STX10: variants seen among roughly 807,000 people sequenced by gnomAD.
STX10 encodes syntaxin 10.
A neutral mutation model predicts 34.1 loss-of-function variants in STX10; 35 were observed. The ratio of observed to expected loss-of-function variants is 1.03; its 90% confidence interval spans 0.78 to 1.36. The LOEUF is 1.36. Ranked by LOEUF, STX10 falls within the 40% of genes most tolerant of loss-of-function variation. The pLI is 0.00. For synonymous variants in STX10, 155 were observed against 132.9 expected, an observed-to-expected ratio of 1.17 and a Z score of -1.15; for missense variants, 361 against 335.5, an observed-to-expected ratio of 1.08 and a Z score of -0.59.
chr19:13,144,145 A>G lies in STX10; in HGVS notation c.*265T>C. The G allele has an allele frequency of 1.9e-6, 1 of 524,626 alleles. No homozygotes were observed. Among genetic ancestry groups the G allele is most frequent in the East Asian group, 3.0e-5 (1 of 33,450 alleles). 32.5% of individuals were successfully genotyped at this position (524,626 alleles called of 1,614,324 possible). On this transcript the variant is annotated 3_prime_UTR_variant, in exon 8 of 8. Transcript: ENST00000587230. ...ATGGCTTTGGGGTCCTGGAACTGGAAATGGAGACAGGTGTGTCTCAGGTGT... is the reference window on the plus strand; with the variant it reads ...ATGGCTTTGGGGTCCTGGAACTGGAGATGGAGACAGGTGTGTCTCAGGTGT...
intron 3 of STX10, 89 bp downstream of exon 3, chr19:13,149,410 T>TTAA: frequency 3.3e-6 from 2 of 598,916 alleles, no homozygotes; most frequent in Non-Finnish European, 4.6e-6. Context: ...AGGCTCTGTC[T>TTAA]CAAAAAAAAA....
rs748713422 is a variant in STX10, at chr19:13,150,113, C to T, written c.35+26G>A. ...GCTGGCTTGGGTACAGAGCACCCTCCGCCCTCCCCCGTCGTTGTCACTCAC... is the reference window on the plus strand; with the variant it reads ...GCTGGCTTGGGTACAGAGCACCCTCTGCCCTCCCCCGTCGTTGTCACTCAC... On this transcript the variant is annotated intron_variant, in intron 1 of 7. Coordinates refer to ENST00000587230, the MANE Select transcript of STX10 (RefSeq NM_003765.3). This position sits in a 1 kb window ranked among gnomAD's most constrained non-coding sequence, Gnocchi z 4.0. 2 of 1,126,904 alleles carry T rather than the reference C, an allele frequency of 1.8e-6. No individual in the cohort carries two copies. Among genetic ancestry groups the T allele is most frequent in the Non-Finnish European group, 2.7e-6 (2 of 752,722 alleles). The allele number at this position is 1,126,904 out of a possible 1,614,324, so 69.8% of individuals were successfully genotyped here. A position where few individuals can be genotyped will look rare whatever the true frequency, so the allele number is the denominator to read the frequency against.
Position 13,144,831 on chromosome 19 carries a change from A to C in STX10, c.511T>G (p.Ser171Ala). 6.2e-7 allele frequency: 1 copy of C among 1,613,994 alleles called. No individual in the cohort carries two copies. The highest frequency in any genetic ancestry group is 1.1e-5 in the South Asian group (1 of 91,068). ...DEQDQQLEMVSGSIQVLKHMS... is the reference protein window; with the variant it reads ...DEQDQQLEMVAGSIQVLKHMS... Reference sequence around the variant, plus strand: ...TGCTTCAGAACCTGGATGCTCCCAGACACCATCTCCAGCTGTTGATCCTGT... The same window carrying C: ...TGCTTCAGAACCTGGATGCTCCCAGCCACCATCTCCAGCTGTTGATCCTGT... The change falls in exon 6 of 8, where the codon TCT (serine) becomes GCT (alanine). Residue 171 changes from serine (S) to alanine (A), a missense_variant. Ser to Ala is a moderately conservative substitution (Grantham distance 99). Transcript: ENST00000587230.
Position 13,150,179 on chromosome 19 carries a change from T to A in STX10, c.-6A>T, listed in dbSNP as rs924209745. The A allele has an allele frequency of 9.3e-6, 10 of 1,071,442 alleles. No homozygotes were observed. Among genetic ancestry groups the A allele is most frequent in the Non-Finnish European group, 1.4e-5 (10 of 701,020 alleles). 66.4% of individuals were successfully genotyped at this position (1,071,442 alleles called of 1,614,324 possible). ...AAGGGGTCTTCGAGAGACATGTCAG[T>A]CCCTTCCCCCCCAGGCCGAACCCCC... On this transcript the variant is annotated 5_prime_UTR_variant, in exon 1 of 8. Coordinates refer to ENST00000587230, the MANE Select transcript of STX10 (RefSeq NM_003765.3). The surrounding 1 kb of genome is among the most constrained non-coding windows in gnomAD (Gnocchi z 4.0).
intron 4 of STX10, among the ~76,000 whole-genome samples, chr19:13,147,752 C>T (rs1322120597): frequency 6.6e-6 from 1 of 151,834 alleles, no homozygotes; most frequent in African/African-American, 2.4e-5. Flanking sequence ...CAAAATTTAG[C>T]CACGCATGGT....
intron 3 of STX10, 124 bp downstream of exon 3, chr19:13,149,373 CTG>C (rs1440439059): frequency 1.2e-6 from 1 of 827,202 alleles, no homozygotes; most frequent in Non-Finnish European, 1.8e-6. Flanking sequence ...GATTGCAACA[CTG>C]TACTCCAGCC....
intron 5 of STX10, 103 bp from the exon 6 acceptor site, chr19:13,144,973 C>G (rs578075263): frequency 9.3e-7 from 1 of 1,073,502 alleles, no homozygotes; most frequent in Admixed American, 2.2e-5. Flanking sequence ...CCGAGACAGG[C>G]GGATCACTTG....
Position 13,149,520 on chromosome 19 carries a change from C to T in STX10, c.279G>A (p.Glu93=). 2.5e-6 allele frequency: 4 copies of T among 1,614,094 alleles called. No individual in the cohort carries two copies. The highest frequency in any genetic ancestry group is 1.7e-5 in the Admixed American group (1 of 60,018). Residue 93 remains glutamate, a synonymous_variant, in exon 3 of 8, where the codon GAG becomes GAA. Transcript: ENST00000587230. ...TGACCTGGACTGCCTCTCGCATCCGCTCCACGAACACCTTTCTCTCCTGCA... is the reference window on the plus strand; with the variant it reads ...TGACCTGGACTGCCTCTCGCATCCGTTCCACGAACACCTTTCTCTCCTGCA... ...GDLQERKVFV[E]RMREAVQEMK...
intron 3 of STX10, among the ~76,000 whole-genome samples, 172 bp from the exon 4 acceptor site, chr19:13,149,263 T>G (rs1190704564): frequency 6.6e-6 from 1 of 151,576 alleles, no homozygotes; most frequent in African/African-American, 2.4e-5. Flanking sequence ...AACACAAAAC[T>G]TAGCCGGGTA....
intron 4 of STX10, among the ~76,000 whole-genome samples, chr19:13,147,912 A>T (rs1229671458): frequency 6.7e-6 from 1 of 149,778 alleles, no homozygotes; most frequent in Non-Finnish European, 1.5e-5. Flanking sequence ...AAAAAAAAAA[A>T]AAAATTAGCC....
Position 13,150,052 on chromosome 19 carries a change from C to G in STX10, c.35+87G>C, listed in dbSNP as rs995767880. 1.2e-5 allele frequency: 15 copies of G among 1,240,984 alleles called. No individual in the cohort carries two copies. The African/African-American group carries it at 1.6e-4, about 14-fold the overall frequency. The allele number at this position is 1,240,984 out of a possible 1,614,324, so 76.9% of individuals were successfully genotyped here. A position where few individuals can be genotyped will look rare whatever the true frequency, so the allele number is the denominator to read the frequency against. On this transcript the variant is annotated intron_variant, in intron 1 of 7. Coordinates refer to ENST00000587230, the MANE Select transcript of STX10 (RefSeq NM_003765.3). This position sits in a 1 kb window ranked among gnomAD's most constrained non-coding sequence, Gnocchi z 4.0. ...TCTGCACCCCGACGGCCTTGCCCAG[C>G]CCGCCGGGCACGCTGGGGCCGGCAC...
chr19:13,145,892 C>T (rs1229760607), intron 4 of STX10, among the ~76,000 whole-genome samples: 8 of 151,868 alleles, frequency 5.3e-5, no homozygotes, highest in Middle Eastern at 3.4e-3. Context: ...GGCTTGGTGG[C>T]GGGTGCCTGT....
Position 13,145,339 on chromosome 19 carries a change from G to A in STX10, c.420C>T (p.Ser140=), listed in dbSNP as rs367739042. ...QKSPSDLLDA[S]AVSATSRYIE... ...TGTAGCGAGATGTGGCCGAGACTGC[G>A]CTGGCATCCAGCAGGTCGCTGGGTG... The change falls in exon 5 of 8, where the codon AGC becomes AGT. Residue 140 remains serine, a synonymous_variant. Coordinates refer to ENST00000587230, the MANE Select transcript of STX10 (RefSeq NM_003765.3). 2.8e-5 allele frequency: 45 copies of A among 1,611,788 alleles called. No homozygotes were observed. The highest frequency in any genetic ancestry group is 1.8e-4 in the East Asian group (8 of 44,894).
At chr19:13,148,048 G>A (rs1489022799) in intron 4 of STX10, among the ~76,000 whole-genome samples, 1 of 109,916 alleles carries the variant, frequency 9.1e-6, no homozygotes, top group Admixed American at 1.3e-4. Context: ...TGGCAACAGA[G>A]TGAGACTGCA....
rs1447048085 is a variant in STX10 at position 13,144,758 on chromosome 19, C to T, written c.578+6G>A. ...CCCTGGCCCACCCCCAGGGTCCTGG[C>T]CTCACATGCCCTGCTCGTCCAGCTC... is the stretch of plus-strand genomic sequence containing the variant. On this transcript the variant is annotated splice_donor_region_variant and intron_variant, in intron 6 of 7. Coordinates refer to ENST00000587230, the MANE Select transcript of STX10 (RefSeq NM_003765.3). 2 of 1,613,252 alleles carry T rather than the reference C, an allele frequency of 1.2e-6. No homozygotes were observed. The highest frequency in any genetic ancestry group is 1.1e-5 in the South Asian group (1 of 91,014).
Position 13,144,342 on chromosome 19 carries a change from G to C in STX10, c.*68C>G, listed in dbSNP as rs750811542. The C allele has an allele frequency of 6.4e-7, 1 of 1,566,776 alleles. No homozygotes were observed. The highest frequency in any genetic ancestry group is 8.7e-7 in the Non-Finnish European group (1 of 1,155,796). On this transcript the variant is annotated 3_prime_UTR_variant, in exon 8 of 8. Coordinates refer to ENST00000587230, the MANE Select transcript of STX10 (RefSeq NM_003765.3). Reference sequence around the variant, plus strand: ...GAGGGACCCTCTCCTCCTAGGGGGCGAGGCCAGCTCCAAAGTGCTTGGTGG... The same window carrying C: ...GAGGGACCCTCTCCTCCTAGGGGGCCAGGCCAGCTCCAAAGTGCTTGGTGG...
At chr19:13,146,237 C>T (rs946226970) in intron 4 of STX10, among the ~76,000 whole-genome samples, 6 of 151,638 alleles carry the variant, frequency 4.0e-5, no homozygotes, top group Non-Finnish European at 7.4e-5. Flanking sequence ...AGCTAGAATC[C>T]GTGTTTCCTG....
chr19:13,149,442 G>GAAAAA, intron 3 of STX10, 57 bp downstream of exon 3: 7 of 1,166,194 alleles, frequency 6.0e-6, no homozygotes, highest in South Asian at 3.0e-5. Context: ...AAGAAAGAAA[G>GAAAAA]AAAAAAAAAC....
intron 4 of STX10, among the ~76,000 whole-genome samples, chr19:13,146,791 T>G (rs2019909597): frequency 6.6e-6 from 1 of 152,108 alleles, no homozygotes; most frequent in Non-Finnish European, 1.5e-5. Flanking sequence ...TCCACTTGCC[T>G]GGGCCTCCCA....
Sources: gnomAD v4.1 joint callset for allele counts (sites outside exome capture counted in the v4.1 genomes callset) on GRCh38, gnomAD v4.1.1 for gene constraint, Gnocchi (gnomAD v3.1) non-coding constraint, MANE v1.5 for transcripts, NCBI Gene and HGNC (gene_info 2026-07-23, HGNC 2026-07-21) for gene names.